DMD: variants seen among roughly 807,000 people sequenced by gnomAD.
DMD encodes dystrophin, also known as mutant dystrophin.
A neutral mutation model predicts 330.1 loss-of-function variants in DMD; 63 were observed. That is an observed-to-expected ratio of 0.19 (90% confidence interval 0.16 to 0.24). DMD has a LOEUF of 0.24. Among genes scored for constraint, DMD ranks in the 10% least tolerant of loss-of-function variants. The pLI, the probability that DMD is intolerant of heterozygous loss-of-function variation, is 1.00. For synonymous variants in DMD, 1,223 were observed against 959.8 expected, an observed-to-expected ratio of 1.27 and a Z score of -5.07; for missense variants, 3,344 against 2,684.1, an observed-to-expected ratio of 1.25 and a Z score of -5.43.
chrX:32,829,052 A>T (rs755743001), intron 4 of DMD, among the ~76,000 whole-genome samples: 2 of 111,692 alleles, frequency 1.8e-5, no homozygotes, highest in Non-Finnish European at 3.8e-5. Flanking sequence ...AAATGTGATT[A>T]TATTTCTTAT....
At chrX:31,905,043 G>T (rs1234653080) in intron 47 of DMD, among the ~76,000 whole-genome samples, 1 of 111,309 alleles carries the variant, frequency 9.0e-6, no homozygotes, top group African/African-American at 3.3e-5. Context: ...AAATAGTGGC[G>T]AATTTTAAAG....
At chrX:32,317,515 G>A (rs1454240728) in intron 41 of DMD, among the ~76,000 whole-genome samples, 2 of 110,994 alleles carry the variant, frequency 1.8e-5, no homozygotes, top group Non-Finnish European at 3.8e-5. Context: ...TTCTTGAAGG[G>A]CCATAACTGC....
chrX:32,639,621 T>C (rs779042850), intron 11 of DMD, among the ~76,000 whole-genome samples: 2 of 111,871 alleles, frequency 1.8e-5, no homozygotes, highest in Non-Finnish European at 3.8e-5. Context: ...TTTATGTCCA[T>C]AAAAGCAACA....
At chrX:31,608,947 AAC>A (rs1221921540) in intron 55 of DMD, among the ~76,000 whole-genome samples, 2 of 111,994 alleles carry the variant, frequency 1.8e-5, no homozygotes, top group Non-Finnish European at 1.9e-5. Context: ...ACAGCTACAT[AAC>A]AGTTTCTTTA....
intron 44 of DMD, among the ~76,000 whole-genome samples, chrX:32,194,793 A>G (rs1216740470): frequency 8.9e-6 from 1 of 112,049 alleles, no homozygotes; most frequent in African/African-American, 3.2e-5. Flanking sequence ...TAAGAAGAAA[A>G]TGGTAAAGAT....
At chrX:31,210,659 A>G (rs1424364578) in intron 64 of DMD, among the ~76,000 whole-genome samples, 1 of 112,286 alleles carries the variant, frequency 8.9e-6, no homozygotes, top group Non-Finnish European at 1.9e-5. Context: ...ATGCTAATTA[A>G]GTAAATCTCT....
At position 33,072,155 on chromosome X, in the gene DMD, C is replaced by T. The variant is rs946033038; in HGVS notation, c.32-51955G>A. On this transcript the variant is annotated intron_variant, in intron 1 of 78. Transcript: ENST00000357033. ...GTCACAGGCCCAGCGCGGTGGCTCA[C>T]GCCTGTAATCCCAGCACTTTGGGAG... Among the ~76,000 whole-genome samples, 3 of 112,264 alleles carry T rather than the reference C, an allele frequency of 2.7e-5. No homozygotes were observed. The South Asian group carries it at 1.1e-3, about 41-fold the overall frequency.
chrX:31,200,340 T>C (rs2043312238), intron 67 of DMD, among the ~76,000 whole-genome samples: 1 of 111,526 alleles, frequency 9.0e-6, no homozygotes, highest in Admixed American at 9.5e-5. Flanking sequence ...GTAGTAAATG[T>C]GGCGGTGGGC....
intron 59 of DMD, among the ~76,000 whole-genome samples, chrX:31,446,250 A>C (rs1173732259): frequency 8.9e-6 from 1 of 112,193 alleles, no homozygotes; most frequent in Non-Finnish European, 1.9e-5. Context: ...GTTGAACTTA[A>C]AGTTTTAAAA....
At chrX:32,542,415 G>A (rs932581772) in intron 17 of DMD, among the ~76,000 whole-genome samples, 2 of 111,883 alleles carry the variant, frequency 1.8e-5, no homozygotes, top group African/African-American at 6.5e-5. Flanking sequence ...CTGGGTGACA[G>A]AGCAAGACAC....
At chrX:32,144,686 T>G (rs1238409903) in intron 44 of DMD, among the ~76,000 whole-genome samples, 1 of 112,101 alleles carries the variant, frequency 8.9e-6, no homozygotes, top group Non-Finnish European at 1.9e-5. Context: ...TATTTAGTCT[T>G]CATGATGTTA....
chrX:32,033,663 AG>A lies in DMD; in HGVS notation c.6439-65150del, dbSNP rs1474736194. Among the ~76,000 whole-genome samples the A allele has an allele frequency of 6.6e-3, 552 of 83,085 alleles. 13 individuals carry two copies. The highest frequency in any genetic ancestry group is 0.027 in the African/African-American group (512 of 18,735). 72.1% of individuals were successfully genotyped at this position (83,085 alleles called of 115,157 possible). ...AAAGAAAGAAAGAAAGAAGAAAGAAAGAAAGAAAGGAAGGAAAGAAAGAAAG... is the reference window on the plus strand; with the variant it reads ...AAAGAAAGAAAGAAAGAAGAAAGAAAAAAGAAAGGAAGGAAAGAAAGAAAG... On this transcript the variant is annotated intron_variant, in intron 44 of 78. Transcript: ENST00000357033.
intron 25 of DMD, among the ~76,000 whole-genome samples, chrX:32,457,056 A>AGG (rs199953831): frequency 9.4e-6 from 1 of 106,098 alleles, no homozygotes; most frequent in African/African-American, 3.5e-5. Context: ...GGGTGGTAAT[A>AGG]GGGGGAAAAA....
At chrX:32,088,559 C>T (rs766040374) in intron 44 of DMD, among the ~76,000 whole-genome samples, 2 of 108,470 alleles carry the variant, frequency 1.8e-5, no homozygotes, top group East Asian at 5.8e-4. Flanking sequence ...AATAAGTGGG[C>T]TTTCCTAAGT....
intron 59 of DMD, among the ~76,000 whole-genome samples, chrX:31,466,607 C>T (rs1193392934): frequency 8.9e-6 from 1 of 111,816 alleles, no homozygotes; most frequent in Non-Finnish European, 1.9e-5. Flanking sequence ...ATGCCTCCAG[C>T]TTTGTTCTTT....
intron 47 of DMD, among the ~76,000 whole-genome samples, chrX:31,914,425 G>A (rs2094583704): frequency 8.9e-6 from 1 of 112,148 alleles, no homozygotes; most frequent in African/African-American, 3.2e-5. Flanking sequence ...CGAAATATCT[G>A]CATTCCCATG....
At chrX:32,427,859 T>C (rs1603633233) in intron 29 of DMD, among the ~76,000 whole-genome samples, 1 of 111,559 alleles carries the variant, frequency 9.0e-6, no homozygotes, top group Admixed American at 9.5e-5. Context: ...AATATTCTCC[T>C]AGAAATTCAT....
intron 7 of DMD, among the ~76,000 whole-genome samples, chrX:32,780,327 G>A (rs1390272069): frequency 8.9e-6 from 1 of 112,035 alleles, no homozygotes; most frequent in Non-Finnish European, 1.9e-5. Context: ...CATTTTATGA[G>A]ACGTGCTATT....
intron 30 of DMD, among the ~76,000 whole-genome samples, chrX:32,393,504 C>T (rs1195798121): frequency 9.0e-6 from 1 of 111,408 alleles, no homozygotes; most frequent in Non-Finnish European, 1.9e-5. Context: ...ATATTTGATC[C>T]GATAACTAAG....
Sources: gnomAD v4.1 joint callset for allele counts (sites outside exome capture counted in the v4.1 genomes callset) on GRCh38, gnomAD v4.1.1 for gene constraint, MANE v1.5 for transcripts, NCBI Gene and HGNC (gene_info 2026-07-23, HGNC 2026-07-21) for gene names.